CTNNA2: variants seen among roughly 807,000 people sequenced by gnomAD.
The protein encoded by CTNNA2 is catenin alpha-2.
In CTNNA2, 42 loss-of-function variants were observed where a neutral mutation model predicts 101.0. The observed-to-expected ratio is 0.42, with a 90% CI of 0.32 to 0.54. The LOEUF (loss-of-function observed/expected upper bound fraction) is 0.54, where lower values mean the gene tolerates loss of function less well. Among genes scored for constraint, CTNNA2 ranks in the 20% least tolerant of loss-of-function variants. The pLI is 0.14. For synonymous variants in CTNNA2, 450 were observed against 456.4 expected (o/e 0.99, Z 0.18); for missense variants, 871 against 1,223.1 (o/e 0.71, Z 4.29).
chr2:80,564,197 CTAAG>C (rs1368917533), intron 12 of CTNNA2, among the ~76,000 whole-genome samples: 3 of 152,184 alleles, frequency 2.0e-5, no homozygotes, highest in Non-Finnish European at 2.9e-5. Flanking sequence ...TTAATGCAAT[CTAAG>C]TATTTAAACA....
chr2:80,569,002 T>A (rs1002868017), intron 12 of CTNNA2, among the ~76,000 whole-genome samples: 1 of 152,166 alleles, frequency 6.6e-6, no homozygotes, highest in Non-Finnish European at 1.5e-5. Flanking sequence ...TAAGGACCTT[T>A]TATATACCTG....
At chr2:79,393,935 G>A (rs540711945) in intron 4 of CTNNA2, among the ~76,000 whole-genome samples, 2 of 152,098 alleles carry the variant, frequency 1.3e-5, no homozygotes, top group East Asian at 3.9e-4. Flanking sequence ...GCTCCTCCTG[G>A]CCCCAGTTCT....
intron 7 of CTNNA2, among the ~76,000 whole-genome samples, chr2:79,939,342 G>A (rs938196862): frequency 2.6e-5 from 4 of 152,024 alleles, no homozygotes; most frequent in Admixed American, 6.5e-5. Context: ...TTTTCCATCC[G>A]TCTGTCCATT....
chr2:79,247,206 C>G lies in CTNNA2; in HGVS notation c.-406+49130C>G, dbSNP rs114355777. Among the ~76,000 whole-genome samples, 481 of 152,320 alleles carry G rather than the reference C, an allele frequency of 3.2e-3. 2 individuals carry two copies. The highest frequency in any genetic ancestry group is 0.011 in the African/African-American group (455 of 41,582). ...TTACCCTGGAAAAATTCACACAACT[C>G]ACTTCATATCGCTAGTTTCTCCCCC... On this transcript the variant is annotated intron_variant, in intron 2 of 21. Coordinates refer to the CTNNA2 transcript ENST00000466387.
chr2:79,362,221 C>G (rs1677647390), intron 3 of CTNNA2, among the ~76,000 whole-genome samples: 1 of 152,196 alleles, frequency 6.6e-6, no homozygotes, highest in Non-Finnish European at 1.5e-5. Context: ...CAAACACTTT[C>G]ATTCATCTTA....
At chr2:79,769,140 C>T (rs189329620) in intron 3 of CTNNA2, among the ~76,000 whole-genome samples, 54 of 152,258 alleles carry the variant, frequency 3.5e-4, no homozygotes, top group Middle Eastern at 3.4e-3. Context: ...CAGGCATGAG[C>T]CACTGTGCTC....
chr2:80,313,977 C>T (rs951672541), intron 7 of CTNNA2, among the ~76,000 whole-genome samples: 1 of 152,120 alleles, frequency 6.6e-6, no homozygotes, highest in Non-Finnish European at 1.5e-5. Flanking sequence ...ATGGATTGCT[C>T]TAGGGGAGAA....
rs202114706 is a variant in CTNNA2, at chr2:79,982,401, T to TA, written c.1056+72606dup. On this transcript the variant is annotated intron_variant, in intron 7 of 18. Coordinates refer to ENST00000402739, the MANE Select transcript of CTNNA2 (RefSeq NM_001282597.3). Reference sequence around the variant, plus strand: ...ACATATATAACATATATAACATATATAACATATAACACATATATAACACAT... The same window carrying TA: ...ACATATATAACATATATAACATATATAAACATATAACACATATATAACACAT... 8.8e-3 allele frequency among the ~76,000 whole-genome samples: 1,261 copies of TA among 143,210 alleles called. 24 individuals are homozygous for TA. The highest frequency in any genetic ancestry group is 0.032 in the African/African-American group (1,192 of 37,318). 94.0% of individuals were successfully genotyped at this position (143,210 alleles called of 152,430 possible).
chr2:80,017,542 A>G (rs564883166), intron 7 of CTNNA2, among the ~76,000 whole-genome samples: 166 of 152,072 alleles, frequency 1.1e-3, no homozygotes, highest in African/African-American at 3.5e-3. Flanking sequence ...GTAAATCAAC[A>G]AGGGTAGCTT....
intron 2 of CTNNA2, among the ~76,000 whole-genome samples, chr2:79,710,999 A>G (rs1286841597): frequency 1.3e-5 from 2 of 152,206 alleles, no homozygotes; most frequent in East Asian, 3.8e-4. Context: ...GAGGAAAAGA[A>G]ATGTTGGATT....
intron 7 of CTNNA2, among the ~76,000 whole-genome samples, chr2:80,063,511 G>GT (rs1462889122): frequency 1.3e-5 from 2 of 152,186 alleles, no homozygotes; most frequent in African/African-American, 2.4e-5. Flanking sequence ...AGGAGAATTT[G>GT]TTTTTTGTAT....
intron 2 of CTNNA2, among the ~76,000 whole-genome samples, chr2:79,708,006 G>C (rs1025242082): frequency 1.3e-5 from 2 of 152,162 alleles, no homozygotes; most frequent in Non-Finnish European, 2.9e-5. Context: ...TGTGTGCCAA[G>C]TCATTAACCA....
intron 7 of CTNNA2, among the ~76,000 whole-genome samples, chr2:80,212,950 A>G (rs1248428104): frequency 6.6e-6 from 1 of 152,036 alleles, no homozygotes; most frequent in Non-Finnish European, 1.5e-5. Flanking sequence ...GGGAGGGTGT[A>G]TGTGTCGAGG....
chr2:79,687,309 C>T lies in CTNNA2; in HGVS notation c.102+35651C>T, dbSNP rs117250817. On this transcript the variant is annotated intron_variant, in intron 2 of 18. Transcript: ENST00000402739. Reference sequence around the variant, plus strand: ...ATACTCAAAATAGTATTGTCTTTTCCAAGTTCTAAGGAGCACAGTAGCCTC... The same window carrying T: ...ATACTCAAAATAGTATTGTCTTTTCTAAGTTCTAAGGAGCACAGTAGCCTC... Among the ~76,000 whole-genome samples the T allele has an allele frequency of 7.1e-3, 1,080 of 151,990 alleles. 42 individuals are homozygous for T. The East Asian group carries it at 0.096, about 14-fold the overall frequency.
intron 8 of CTNNA2, among the ~76,000 whole-genome samples, chr2:80,396,612 C>G (rs1156233174): frequency 6.6e-6 from 1 of 152,302 alleles, no homozygotes; most frequent in Non-Finnish European, 1.5e-5. Flanking sequence ...ATGAACTATT[C>G]TAGGTATGAT....
At chr2:79,814,179 C>T (rs1168680592) in intron 3 of CTNNA2, among the ~76,000 whole-genome samples, 1 of 152,058 alleles carries the variant, frequency 6.6e-6, no homozygotes, top group Non-Finnish European at 1.5e-5. Flanking sequence ...ATGATTTCAT[C>T]GTGAGGTCCG....
chr2:80,246,122 C>T (rs916394663), intron 7 of CTNNA2, among the ~76,000 whole-genome samples: 1 of 152,068 alleles, frequency 6.6e-6, no homozygotes, highest in Non-Finnish European at 1.5e-5. Context: ...CTGTTTATAT[C>T]TTGCCTCTCT....
chr2:79,664,017 T>C (rs973118982), intron 2 of CTNNA2, among the ~76,000 whole-genome samples: 21 of 152,338 alleles, frequency 1.4e-4, no homozygotes, highest in African/African-American at 4.8e-4. Flanking sequence ...CAATTGTTTA[T>C]TGTGCATTTT....
chr2:79,914,843 AATAT>A (rs1224789208), intron 7 of CTNNA2, among the ~76,000 whole-genome samples: 3 of 152,026 alleles, frequency 2.0e-5, no homozygotes, highest in East Asian at 1.9e-4. Context: ...ATAAACCATT[AATAT>A]ATAGAAGGTA....
Sources: gnomAD v4.1 joint callset for allele counts (sites outside exome capture counted in the v4.1 genomes callset) on GRCh38, gnomAD v4.1.1 for gene constraint, MANE v1.5 for transcripts, NCBI Gene and HGNC (gene_info 2026-07-23, HGNC 2026-07-21) for gene names.